RAD51B: variants seen among roughly 807,000 people sequenced by gnomAD.
RAD51B encodes DNA repair protein RAD51 homolog 2.
Under a neutral mutation model 42.2 loss-of-function variants are expected in RAD51B, and 38 were observed. That is an observed-to-expected ratio of 0.90 (90% CI 0.70 to 1.18). The LOEUF (loss-of-function observed/expected upper bound fraction) is 1.18, where lower values mean the gene tolerates loss of function less well. RAD51B is among the 50% of genes most tolerant of loss of function. RAD51B has a pLI of 0.00. For synonymous variants in RAD51B, 154 were observed against 145.2 expected (o/e 1.06, Z -0.43); for missense variants, 373 against 400.7 (o/e 0.93, Z 0.59).
At chr14:68,319,782 A>G (rs990214198) in intron 8 of RAD51B, among the ~76,000 whole-genome samples, 2 of 152,186 alleles carry the variant, frequency 1.3e-5, no homozygotes, top group Non-Finnish European at 2.9e-5. Context: ...ATGTCTATCT[A>G]GCCTAGAGAA....
intron 7 of RAD51B, among the ~76,000 whole-genome samples, chr14:68,039,537 C>G (rs1213906918): frequency 6.6e-6 from 1 of 151,720 alleles, no homozygotes; most frequent in East Asian, 1.9e-4. Context: ...AAACTATTAT[C>G]TAATTCATTG....
At chr14:68,658,609 C>A (rs1350872987) in intron 11 of RAD51B, among the ~76,000 whole-genome samples, 8 of 152,218 alleles carry the variant, frequency 5.3e-5, no homozygotes, top group Non-Finnish European at 1.0e-4. Context: ...ATGAACTACA[C>A]TCCATCCACA....
At chr14:68,255,595 T>C (rs2080737475) in intron 7 of RAD51B, among the ~76,000 whole-genome samples, 1 of 152,226 alleles carries the variant, frequency 6.6e-6, no homozygotes, top group African/African-American at 2.4e-5. Flanking sequence ...TTCGAAAGTA[T>C]ATATATTCAT....
At chr14:67,906,356 T>G (rs1250095068) in intron 7 of RAD51B, among the ~76,000 whole-genome samples, 2 of 152,100 alleles carry the variant, frequency 1.3e-5, no homozygotes, top group Non-Finnish European at 2.9e-5. Flanking sequence ...GAAGCTTTCT[T>G]TTTTCATTGT....
At chr14:68,108,646 T>C (rs958855294) in intron 7 of RAD51B, among the ~76,000 whole-genome samples, 2 of 151,870 alleles carry the variant, frequency 1.3e-5, no homozygotes, top group African/African-American at 4.8e-5. Context: ...CTAATGAGTA[T>C]CGGGTTTCTT....
At chr14:68,149,140 C>A (rs2078319315) in intron 7 of RAD51B, among the ~76,000 whole-genome samples, 1 of 152,126 alleles carries the variant, frequency 6.6e-6, no homozygotes, top group Non-Finnish European at 1.5e-5. Context: ...AAAATTTTCT[C>A]CCAATATTTG....
At chr14:68,241,234 A>G (rs2080376865) in intron 7 of RAD51B, among the ~76,000 whole-genome samples, 10 of 151,980 alleles carry the variant, frequency 6.6e-5, no homozygotes, top group Admixed American at 5.9e-4. Context: ...TATGAGAAAA[A>G]CCTGTTCTCT....
intron 10 of RAD51B, among the ~76,000 whole-genome samples, chr14:68,585,995 C>G (rs1269329073): frequency 6.6e-6 from 1 of 152,162 alleles, no homozygotes; most frequent in African/African-American, 2.4e-5. Context: ...CAAGGCCCTG[C>G]AAAGCATCCA....
chr14:68,312,320 G>C (rs565534976), intron 8 of RAD51B, among the ~76,000 whole-genome samples: 1 of 152,300 alleles, frequency 6.6e-6, no homozygotes, highest in South Asian at 2.1e-4. Flanking sequence ...ATGTATAACG[G>C]ATCCACCGTT....
chr14:67,929,366 ATGT>A (rs1232825935), intron 7 of RAD51B, among the ~76,000 whole-genome samples: 2 of 152,144 alleles, frequency 1.3e-5, no homozygotes, highest in African/African-American at 4.8e-5. Flanking sequence ...ACTCAGGAGC[ATGT>A]TGTTTAATTT....
intron 7 of RAD51B, among the ~76,000 whole-genome samples, chr14:68,034,097 G>A (rs558843601): frequency 2.0e-5 from 3 of 152,186 alleles, no homozygotes; most frequent in African/African-American, 7.2e-5. Flanking sequence ...GTAGCTTTGG[G>A]GGGGATTTTG....
chr14:68,115,772 CA>C (rs1176972158), intron 7 of RAD51B, among the ~76,000 whole-genome samples: 1 of 152,134 alleles, frequency 6.6e-6, no homozygotes, highest in Non-Finnish European at 1.5e-5. Flanking sequence ...CTTGAGAAAG[CA>C]AAGTCTTCAA....
At chr14:67,907,724 A>G (rs550441554) in intron 7 of RAD51B, among the ~76,000 whole-genome samples, 2 of 152,106 alleles carry the variant, frequency 1.3e-5, no homozygotes, top group African/African-American at 2.4e-5. Context: ...GGGAGAGAAT[A>G]TGTCCCCTTC....
At chr14:68,518,556 C>T (rs1182010011) in intron 10 of RAD51B, among the ~76,000 whole-genome samples, 2 of 96,864 alleles carry the variant, frequency 2.1e-5, no homozygotes, top group Admixed American at 1.2e-4. Flanking sequence ...TCATATGAGC[C>T]CCCCCCCCAG....
At chr14:67,980,917 T>C (rs2075079905) in intron 7 of RAD51B, among the ~76,000 whole-genome samples, 1 of 152,120 alleles carries the variant, frequency 6.6e-6, no homozygotes, top group South Asian at 2.1e-4. Flanking sequence ...TTTCTGCTCT[T>C]GAAAAGAGAA....
intron 8 of RAD51B, among the ~76,000 whole-genome samples, chr14:68,323,862 G>A (rs3825730): frequency 0.53 from 80,338 of 152,004 alleles, 22,968 homozygotes; most frequent in South Asian, 0.67. Flanking sequence ...AAGCGGGAGT[G>A]GAGGCATTTT....
intron 7 of RAD51B, among the ~76,000 whole-genome samples, chr14:68,186,100 T>A (rs1418728011): frequency 6.6e-6 from 1 of 151,998 alleles, no homozygotes; most frequent in East Asian, 1.9e-4. Context: ...CTGACAAAAA[T>A]AAGCAATGGG....
At chr14:67,941,729 CT>C (rs2045217370) in intron 7 of RAD51B, among the ~76,000 whole-genome samples, 1 of 152,190 alleles carries the variant, frequency 6.6e-6, no homozygotes, top group Admixed American at 6.5e-5. Flanking sequence ...ACAGTACCTC[CT>C]CCTTTTGGCT....
intron 7 of RAD51B, among the ~76,000 whole-genome samples, chr14:68,051,676 G>A (rs1345002907): frequency 6.6e-6 from 1 of 151,658 alleles, no homozygotes; most frequent in Non-Finnish European, 1.5e-5. Flanking sequence ...ATAGCTCACT[G>A]TAACCTCAGA....
Sources: gnomAD v4.1 joint callset for allele counts (sites outside exome capture counted in the v4.1 genomes callset) on GRCh38, gnomAD v4.1.1 for gene constraint, MANE v1.5 for transcripts, NCBI Gene and HGNC (gene_info 2026-07-23, HGNC 2026-07-21) for gene names.